Variants in GRIP1 observed in about 807,000 individuals in gnomAD.
GRIP1 encodes glutamate receptor interacting protein 1, also known as glutamate receptor-interacting protein 1.
GRIP1 carries 45 observed loss-of-function variants against 129.9 expected under a neutral mutation model. That is an observed-to-expected ratio of 0.35 (90% confidence interval 0.27 to 0.44). GRIP1 has a LOEUF of 0.44. GRIP1 is among the 20% of genes least tolerant of loss of function. The pLI is 1.00. For missense variants in GRIP1, 1,196 were observed against 1,396.8 expected (o/e 0.86, Z 2.29); for synonymous variants, 530 against 520.8 (o/e 1.02, Z -0.24).
intron 1 of GRIP1, among the ~76,000 whole-genome samples, chr12:66,979,252 A>AACAAAAC (rs1555257220): frequency 9.1e-6 from 1 of 110,162 alleles, no homozygotes; most frequent in Non-Finnish European, 1.8e-5. Flanking sequence ...AAAAAAAAAA[A>AACAAAAC]AACAAGCCCG....
chr12:66,655,157 C>T (rs896585715), intron 1 of GRIP1, among the ~76,000 whole-genome samples: 3 of 152,186 alleles, frequency 2.0e-5, no homozygotes, highest in Admixed American at 1.3e-4. Flanking sequence ...TATCCCTCCA[C>T]GTTCCCCCAA....
intron 2 of GRIP1, among the ~76,000 whole-genome samples, chr12:66,569,543 C>T (rs2062884299): frequency 6.6e-6 from 1 of 152,158 alleles, no homozygotes. Flanking sequence ...GAATCCAAAT[C>T]TCTGGAGGTG....
intron 1 of GRIP1, among the ~76,000 whole-genome samples, chr12:66,765,751 T>C (rs2136692422): frequency 6.6e-6 from 1 of 152,318 alleles, no homozygotes; most frequent in South Asian, 2.1e-4. Flanking sequence ...GAAGGAAAGC[T>C]GAAGGAGTAT....
intron 1 of GRIP1, among the ~76,000 whole-genome samples, chr12:66,899,461 T>C (rs2040809010): frequency 1.3e-5 from 1 of 75,046 alleles, no homozygotes; most frequent in African/African-American, 1.2e-4. Context: ...ACTCCTGAAC[T>C]CAAGTGATCC....
chr12:66,750,892 T>C (rs1412337243), intron 1 of GRIP1, among the ~76,000 whole-genome samples: 2 of 152,186 alleles, frequency 1.3e-5, no homozygotes, highest in African/African-American at 4.8e-5. Flanking sequence ...CATGTGATCA[T>C]TAAAACAGCA....
chr12:66,401,503 T>C (rs1003981387), intron 16 of GRIP1, among the ~76,000 whole-genome samples: 1 of 151,132 alleles, frequency 6.6e-6, no homozygotes, highest in African/African-American at 2.4e-5. Context: ...CAGTTGAACC[T>C]GGAAGGCGGA....
chr12:66,597,787 C>A (rs1489984065), intron 1 of GRIP1, among the ~76,000 whole-genome samples: 1 of 150,972 alleles, frequency 6.6e-6, no homozygotes, highest in African/African-American at 2.4e-5. Flanking sequence ...AGGATTTTAT[C>A]TGACTAGGAA....
intron 1 of GRIP1, among the ~76,000 whole-genome samples, chr12:66,843,750 A>T (rs2039763411): frequency 2.0e-5 from 3 of 152,172 alleles, no homozygotes; most frequent in Non-Finnish European, 4.4e-5. Flanking sequence ...CAATATCCAC[A>T]TGTAAAGGAA....
intron 7 of GRIP1, among the ~76,000 whole-genome samples, chr12:66,476,786 A>G (rs144177226): frequency 0.012 from 1,773 of 152,336 alleles, 24 homozygotes; most frequent in Non-Finnish European, 0.019. Context: ...CTACATGATT[A>G]TCTCAATAGC....
chr12:66,814,589 T>TA (rs79461500), intron 1 of GRIP1, among the ~76,000 whole-genome samples: 7,363 of 108,318 alleles, frequency 0.068, 584 homozygotes, highest in African/African-American at 0.23. Context: ...AGTGATACCA[T>TA]AAAAAAAAAA....
chr12:66,357,694 C>T (rs1024737820), intron 23 of GRIP1, among the ~76,000 whole-genome samples: 1 of 152,146 alleles, frequency 6.6e-6, no homozygotes, highest in Non-Finnish European at 1.5e-5. Context: ...TCTCTTTTAT[C>T]AATTAGTGCT....
intron 1 of GRIP1, among the ~76,000 whole-genome samples, chr12:66,956,706 A>G (rs2041847142): frequency 6.6e-6 from 1 of 152,184 alleles, no homozygotes. Context: ...TCCCAGTGCT[A>G]GAAGCAGTTA....
At chr12:66,827,978 A>G (rs1258176224) in intron 1 of GRIP1, among the ~76,000 whole-genome samples, 1 of 152,174 alleles carries the variant, frequency 6.6e-6, no homozygotes, top group Non-Finnish European at 1.5e-5. Context: ...CTGTCTTTCC[A>G]TGGTTCTTTC....
chr12:66,565,990 G>A (rs2139447738), intron 2 of GRIP1, among the ~76,000 whole-genome samples: 1 of 152,332 alleles, frequency 6.6e-6, no homozygotes, highest in South Asian at 2.1e-4. Flanking sequence ...AGACTTTGCT[G>A]AAGTTGCTTA....
rs1168836647 is a variant in GRIP1, at chr12:66,531,235, CAA to C, written c.419-1323_419-1322del. Among the ~76,000 whole-genome samples, 129 of 16,390 alleles carry C rather than the reference CAA, an allele frequency of 7.9e-3. 1 individual carries two copies. The highest frequency in any genetic ancestry group is 0.012 in the Admixed American group (17 of 1,426). 10.8% of individuals were successfully genotyped at this position (16,390 alleles called of 152,430 possible). A position where few individuals can be genotyped will look rare whatever the true frequency, so the allele number is the denominator to read the frequency against. ...TGGGTGACAGAGTGAGACTCTGTCT[CAA>C]AAAAAAAAAAAAAAAATATATATAT... On this transcript the variant is annotated intron_variant, in intron 4 of 24. Coordinates refer to ENST00000359742, the MANE Select transcript of GRIP1 (RefSeq NM_001366722.1).
intron 1 of GRIP1, among the ~76,000 whole-genome samples, chr12:66,969,717 CT>C (rs773547992): frequency 6.6e-6 from 1 of 151,798 alleles, no homozygotes; most frequent in South Asian, 2.1e-4. Context: ...ATGCCTGGCT[CT>C]TTTTTTTCCC....
intron 4 of GRIP1, among the ~76,000 whole-genome samples, chr12:66,537,346 A>C (rs1423453511): frequency 1.3e-5 from 2 of 152,146 alleles, no homozygotes; most frequent in African/African-American, 2.4e-5. Flanking sequence ...CATCTCTGCT[A>C]TGCTGACACT....
intron 1 of GRIP1, among the ~76,000 whole-genome samples, chr12:66,866,332 GT>G (rs2040204011): frequency 6.6e-6 from 1 of 152,112 alleles, no homozygotes; most frequent in Non-Finnish European, 1.5e-5. Context: ...AGTTAGCCAA[GT>G]GTAGTGGTGC....
At chr12:66,991,609 C>G (rs2042395751) in intron 1 of GRIP1, among the ~76,000 whole-genome samples, 1 of 152,120 alleles carries the variant, frequency 6.6e-6, no homozygotes, top group South Asian at 2.1e-4. Context: ...AACTTGGGCA[C>G]AGCCAATTTT....
Sources: gnomAD v4.1 joint callset for allele counts (sites outside exome capture counted in the v4.1 genomes callset) on GRCh38, gnomAD v4.1.1 for gene constraint, MANE v1.5 for transcripts, NCBI Gene and HGNC (gene_info 2026-07-23, HGNC 2026-07-21) for gene names.